The following ST8SIA1 variants were observed in gnomAD, a reference collection of about 807,000 sequenced individuals.
ST8SIA1 encodes the protein ST8 alpha-N-acetyl-neuraminide alpha-2,8-sialyltransferase 1.
ST8SIA1 carries 16 observed loss-of-function variants against 35.9 expected under a neutral mutation model. The observed-to-expected ratio is 0.45, with a 90% CI of 0.30 to 0.68. The LOEUF is 0.68. ST8SIA1 is among the 30% of genes least tolerant of loss of function. The pLI is 0.09. For synonymous variants in ST8SIA1, 170 were observed against 169.6 expected, an observed-to-expected ratio of 1.00 and a Z score of -0.02; for missense variants, 383 against 453.6, an observed-to-expected ratio of 0.84 and a Z score of 1.41.
chr12:22,298,498 G>T (rs538342999), intron 1 of ST8SIA1, among the ~76,000 whole-genome samples: 5 of 152,290 alleles, frequency 3.3e-5, no homozygotes, highest in Non-Finnish European at 5.9e-5. Flanking sequence ...CACACATTTG[G>T]TCACAGAAGT....
At position 22,310,937 on chromosome 12, in the gene ST8SIA1, G is replaced by A. The variant is rs1002959189; in HGVS notation, c.236+23060C>T. On this transcript the variant is annotated intron_variant, in intron 1 of 4. Transcript: ENST00000396037. ...TGTTCCCAGACACTCTGATAATGGA[G>A]AACATAATTAGTTTTCTTCAGCAAA... Among the ~76,000 whole-genome samples, 3 of 152,144 alleles carry A rather than the reference G, an allele frequency of 2.0e-5. No individual in the cohort carries two copies. The East Asian group carries it at 5.8e-4, about 29-fold the overall frequency.
chr12:22,332,457 A>G (rs917919224), intron 1 of ST8SIA1, among the ~76,000 whole-genome samples: 1 of 152,228 alleles, frequency 6.6e-6, no homozygotes, highest in African/African-American at 2.4e-5. Flanking sequence ...GGAAGTTCTT[A>G]ACTCATTTCC....
At chr12:22,279,417 A>G (rs149865276) in intron 2 of ST8SIA1, among the ~76,000 whole-genome samples, 211 of 152,302 alleles carry the variant, frequency 1.4e-3, no homozygotes, top group African/African-American at 4.8e-3. Context: ...TTTTGGCCCC[A>G]GTGCTAGGAT....
At chr12:22,300,367 T>C (rs1177057202) in intron 1 of ST8SIA1, among the ~76,000 whole-genome samples, 1 of 152,134 alleles carries the variant, frequency 6.6e-6, no homozygotes. Context: ...AAGGCCAATA[T>C]TGAGAGATGA....
At chr12:22,211,955 C>T (rs112924212) in intron 4 of ST8SIA1, among the ~76,000 whole-genome samples, 57 of 152,280 alleles carry the variant, frequency 3.7e-4, no homozygotes, top group African/African-American at 1.3e-3. Flanking sequence ...AGGTGATCCA[C>T]GCACCTCGGC....
intron 1 of ST8SIA1, among the ~76,000 whole-genome samples, chr12:22,323,109 C>T (rs1043183395): frequency 6.6e-6 from 1 of 152,150 alleles, no homozygotes; most frequent in African/African-American, 2.4e-5. Flanking sequence ...AATAAAAGCA[C>T]GTGTACCACT....
At chr12:22,321,032 AAGAGAAAGAG>A (rs1866592638) in intron 1 of ST8SIA1, among the ~76,000 whole-genome samples, 2 of 99,958 alleles carry the variant, frequency 2.0e-5, no homozygotes, top group Non-Finnish European at 4.2e-5. Flanking sequence ...GAAAGAAAGA[AAGAGAAAGAG>A]AAAGAAAAGA....
intron 4 of ST8SIA1, among the ~76,000 whole-genome samples, chr12:22,241,598 A>ATTTTT (rs71053392): frequency 4.8e-5 from 5 of 104,348 alleles, no homozygotes; most frequent in African/African-American, 1.8e-4. Context: ...AGACTCCGGT[A>ATTTTT]TTTTTTTTTT....
intron 4 of ST8SIA1, chr12:22,223,749 C>T: frequency 8.0e-6 from 10 of 1,255,152 alleles, no homozygotes; most frequent in Non-Finnish European, 9.2e-6. Flanking sequence ...TCTATTTCTT[C>T]ACCCTCTCGA....
rs112631589 is a variant in ST8SIA1, at chr12:22,289,666, C to T, written c.237-2373G>A. Among the ~76,000 whole-genome samples the T allele has an allele frequency of 8.9e-4, 136 of 152,262 alleles. 1 individual carries two copies. Among genetic ancestry groups the T allele is most frequent in the Middle Eastern group, 3.4e-3 (1 of 294 alleles). Reference sequence around the variant, plus strand: ...AGGGCTTTGCTTCCAGGTCTTTGTACCTCACATCAGGTACTTATTTCCAAC... The same window carrying T: ...AGGGCTTTGCTTCCAGGTCTTTGTATCTCACATCAGGTACTTATTTCCAAC... On this transcript the variant is annotated intron_variant, in intron 1 of 4. Transcript: ENST00000396037.
At chr12:22,240,383 C>A (rs1253699837) in intron 4 of ST8SIA1, among the ~76,000 whole-genome samples, 1 of 152,094 alleles carries the variant, frequency 6.6e-6, no homozygotes, top group African/African-American at 2.4e-5. Flanking sequence ...AGGGGCTTTT[C>A]TTTTCTATCT....
intron 1 of ST8SIA1, chr12:22,326,259 T>C (rs1866678971): frequency 5.4e-6 from 1 of 184,282 alleles, no homozygotes; most frequent in Non-Finnish European, 1.1e-5. Flanking sequence ...GAATGAATGA[T>C]TGAAATCAGT....
chr12:22,313,582 A>G (rs568910115), intron 1 of ST8SIA1, among the ~76,000 whole-genome samples: 5 of 152,332 alleles, frequency 3.3e-5, no homozygotes, highest in African/African-American at 1.2e-4. Context: ...CAGTGAATCT[A>G]GACAACTAAG....
chr12:22,332,200 T>C (rs780752284), intron 1 of ST8SIA1, among the ~76,000 whole-genome samples: 2 of 152,162 alleles, frequency 1.3e-5, no homozygotes, highest in Non-Finnish European at 2.9e-5. Flanking sequence ...TCATAGTGTG[T>C]GGATTTTAAT....
chr12:22,251,346 T>C (rs1865667684), intron 3 of ST8SIA1, among the ~76,000 whole-genome samples: 2 of 152,226 alleles, frequency 1.3e-5, no homozygotes, highest in African/African-American at 4.8e-5. Context: ...CTTTTCATAT[T>C]TACTGCCACA....
chr12:22,272,675 T>C (rs1265100588), intron 2 of ST8SIA1, among the ~76,000 whole-genome samples: 3 of 152,364 alleles, frequency 2.0e-5, no homozygotes, highest in Middle Eastern at 3.4e-3. Context: ...AGTCATTCGC[T>C]TTGTGGGAAA....
In ST8SIA1 at chr12:22,205,349, AT is replaced by A. The variant is rs563631353; in HGVS notation, c.585-3312del. 2.5e-3 allele frequency among the ~76,000 whole-genome samples: 387 copies of A among 152,308 alleles called. 5 individuals are homozygous for A. The highest frequency in any genetic ancestry group is 8.2e-3 in the African/African-American group (342 of 41,582). On this transcript the variant is annotated intron_variant, in intron 4 of 4. Coordinates refer to ENST00000396037, the MANE Select transcript of ST8SIA1 (RefSeq NM_003034.4). ...ACCAGCCTATGAATTAAAAATAAAAATGAAGATCAGCCCATGAATTATTAAA... is the reference window on the plus strand; with the variant it reads ...ACCAGCCTATGAATTAAAAATAAAAAGAAGATCAGCCCATGAATTATTAAA...
intron 4 of ST8SIA1, among the ~76,000 whole-genome samples, chr12:22,212,264 C>T (rs1214874896): frequency 6.6e-6 from 1 of 152,038 alleles, no homozygotes; most frequent in East Asian, 1.9e-4. Flanking sequence ...TTATTTACTT[C>T]TTCTTCAAAT....
chr12:22,214,220 A>G (rs1412715085), intron 4 of ST8SIA1, among the ~76,000 whole-genome samples: 1 of 152,214 alleles, frequency 6.6e-6, no homozygotes, highest in African/African-American at 2.4e-5. Context: ...AGAGGAAAAA[A>G]GAGTTTCAAA....
Sources: gnomAD v4.1 joint callset for allele counts (sites outside exome capture counted in the v4.1 genomes callset) on GRCh38, gnomAD v4.1.1 for gene constraint, MANE v1.5 for transcripts, NCBI Gene and HGNC (gene_info 2026-07-23, HGNC 2026-07-21) for gene names.